Variants in PRDM5 observed in about 807,000 individuals in gnomAD.
PRDM5 encodes the protein PR/SET domain 5, also known as PR domain zinc finger protein 5.
Under a neutral mutation model 81.2 loss-of-function variants are expected in PRDM5, and 56 were observed. The ratio of observed to expected loss-of-function variants is 0.69; its 90% CI spans 0.56 to 0.86. PRDM5 has a LOEUF of 0.86. Ranked by LOEUF, PRDM5 falls within the 40% of genes least tolerant of loss-of-function variation. The probability of loss-of-function intolerance (pLI) is 0.00; values close to 1 mark genes in which losing one functional copy is unlikely to be tolerated. For missense variants in PRDM5, 697 were observed against 770.1 expected, an observed-to-expected ratio of 0.91 and a Z score of 1.12; for synonymous variants, 267 against 256.4, an observed-to-expected ratio of 1.04 and a Z score of -0.39.
intron 2 of PRDM5, among the ~76,000 whole-genome samples, chr4:120,902,545 G>A (rs1765335444): frequency 6.6e-6 from 1 of 152,212 alleles, no homozygotes; most frequent in Admixed American, 6.5e-5. Context: ...ATACAATGCA[G>A]AAAACTGGGT....
At chr4:120,712,076 A>G (rs1157991505) in intron 14 of PRDM5, among the ~76,000 whole-genome samples, 3 of 152,142 alleles carry the variant, frequency 2.0e-5, no homozygotes, top group African/African-American at 7.2e-5. Context: ...ATCTGAGGTC[A>G]GCAGTTTGAG....
At chr4:120,894,706 C>T (rs2148637448) in intron 2 of PRDM5, among the ~76,000 whole-genome samples, 1 of 152,078 alleles carries the variant, frequency 6.6e-6, no homozygotes, top group Non-Finnish European at 1.5e-5. Context: ...TTTCCTTTCC[C>T]ATAAAAGAAA....
chr4:120,768,750 T>C (rs1354543881), intron 13 of PRDM5, among the ~76,000 whole-genome samples: 1 of 152,186 alleles, frequency 6.6e-6, no homozygotes. Context: ...TGAGAAACTT[T>C]AAAAACTAGG....
At chr4:120,684,349 CA>C (rs1733761492), downstream of PRDM5, among the ~76,000 whole-genome samples, 1 of 151,844 alleles carries the variant, frequency 6.6e-6, no homozygotes, top group Admixed American at 6.6e-5. Context: ...ACTTCCTTGT[CA>C]GCAAGAAAGA....
At chr4:120,792,614 C>G (rs1750738821) in intron 10 of PRDM5, among the ~76,000 whole-genome samples, 1 of 152,164 alleles carries the variant, frequency 6.6e-6, no homozygotes, top group Non-Finnish European at 1.5e-5. Flanking sequence ...GACACCTACA[C>G]TCTCAGGTTC....
At chr4:120,818,920 A>G (rs1754901018) in intron 4 of PRDM5, among the ~76,000 whole-genome samples, 1 of 152,222 alleles carries the variant, frequency 6.6e-6, no homozygotes, top group Non-Finnish European at 1.5e-5. Context: ...TGAATTACCA[A>G]GGAGAATCTC....
intron 3 of PRDM5, among the ~76,000 whole-genome samples, chr4:120,841,581 C>CAAAA (rs1259341164): frequency 6.6e-6 from 1 of 152,194 alleles, no homozygotes; most frequent in Non-Finnish European, 1.5e-5. Flanking sequence ...AAACATATTT[C>CAAAA]CAATTTTGAA....
intron 14 of PRDM5, among the ~76,000 whole-genome samples, chr4:120,729,567 T>A (rs1739955028): frequency 6.6e-6 from 1 of 152,256 alleles, no homozygotes; most frequent in African/African-American, 2.4e-5. Flanking sequence ...GTATCAAAAA[T>A]AGCCATCTTC....
chr4:120,913,014 T>C (rs1385139992), intron 1 of PRDM5, among the ~76,000 whole-genome samples: 1 of 152,206 alleles, frequency 6.6e-6, no homozygotes, highest in Admixed American at 6.5e-5. Context: ...AAATAACCAA[T>C]CTTCCTTCCC....
In PRDM5 at chr4:120,783,365, A is replaced by G. The variant is rs73843606; in HGVS notation, c.1282+1633T>C. ...TGTGATTAATGTGCTGATCAACATC[A>G]TATTAAATACATACTCCACAGCACA... On this transcript the variant is annotated intron_variant, in intron 11 of 15. Transcript: ENST00000264808. Among the ~76,000 whole-genome samples, 1,328 of 152,118 alleles carry G rather than the reference A, an allele frequency of 8.7e-3. 22 individuals are homozygous for G. Among genetic ancestry groups the G allele is most frequent in the African/African-American group, 0.03 (1,256 of 41,532 alleles).
At chr4:120,811,886 C>T (rs965071132) in intron 7 of PRDM5, among the ~76,000 whole-genome samples, 1 of 151,876 alleles carries the variant, frequency 6.6e-6, no homozygotes, top group Non-Finnish European at 1.5e-5. Flanking sequence ...AGAAACATTC[C>T]AATTCTATTC....
intron 3 of PRDM5, among the ~76,000 whole-genome samples, chr4:120,842,867 C>A (rs1758181116): frequency 6.6e-6 from 1 of 152,148 alleles, no homozygotes; most frequent in South Asian, 2.1e-4. Flanking sequence ...AGCCCTCTAG[C>A]CTTCTTTTGG....
chr4:120,766,497 G>T (rs886127052), intron 13 of PRDM5, among the ~76,000 whole-genome samples: 1 of 152,088 alleles, frequency 6.6e-6, no homozygotes, highest in African/African-American at 2.4e-5. Flanking sequence ...TTGACCATAG[G>T]TAACAAACTA....
chr4:120,703,157 T>C (rs1249143321), intron 15 of PRDM5, among the ~76,000 whole-genome samples: 1 of 152,188 alleles, frequency 6.6e-6, no homozygotes, highest in Non-Finnish European at 1.5e-5. Flanking sequence ...TGTAATTGCA[T>C]GTTAATTCAT....
At chr4:120,850,606 C>CAAAAGA (rs1185407975) in intron 3 of PRDM5, among the ~76,000 whole-genome samples, 12 of 152,118 alleles carry the variant, frequency 7.9e-5, no homozygotes, top group Non-Finnish European at 1.2e-4. Context: ...AAATGAAAGC[C>CAAAAGA]ACTGTCATTG....
At chr4:120,877,495 G>A (rs986913619) in intron 2 of PRDM5, among the ~76,000 whole-genome samples, 7 of 152,170 alleles carry the variant, frequency 4.6e-5, no homozygotes, top group African/African-American at 1.4e-4. Flanking sequence ...CAGGCTGCTA[G>A]AAGAATAATT....
intron 12 of PRDM5, among the ~76,000 whole-genome samples, chr4:120,780,348 A>G (rs1748859503): frequency 1.3e-5 from 2 of 152,050 alleles, no homozygotes; most frequent in African/African-American, 4.8e-5. Flanking sequence ...GGAGGTTTCA[A>G]CAGGAGGATC....
intron 15 of PRDM5, among the ~76,000 whole-genome samples, chr4:120,698,317 C>G (rs563999276): frequency 6.6e-6 from 1 of 152,274 alleles, no homozygotes; most frequent in African/African-American, 2.4e-5. Flanking sequence ...TTTGACATGC[C>G]TTTCCCCTGT....
At chr4:120,889,136 C>A (rs868647505) in intron 2 of PRDM5, among the ~76,000 whole-genome samples, 1 of 151,952 alleles carries the variant, frequency 6.6e-6, no homozygotes, top group Non-Finnish European at 1.5e-5. Context: ...ATTTAAGAAA[C>A]CTGTCTTTAC....
Sources: allele counts gnomAD v4.1 joint callset (sites outside exome capture counted in the v4.1 genomes callset), GRCh38; gene constraint gnomAD v4.1.1; transcripts MANE v1.5; gene names NCBI Gene and HGNC (gene_info 2026-07-23, HGNC 2026-07-21).